GPC5: variants seen among roughly 807,000 people sequenced by gnomAD.
GPC5 encodes glypican 5.
Under a neutral mutation model 53.9 loss-of-function variants are expected in GPC5, and 47 were observed. The observed-to-expected ratio is 0.87, with a 90% confidence interval of 0.69 to 1.11. The LOEUF (loss-of-function observed/expected upper bound fraction) is 1.11. GPC5 is among the 50% of genes most tolerant of loss of function. GPC5 has a pLI of 0.00. For missense variants in GPC5, 748 were observed against 713.1 expected (o/e 1.05, Z -0.56); for synonymous variants, 286 against 263.3 (o/e 1.09, Z -0.84).
At chr13:91,691,320 A>G (rs2035753160) in intron 2 of GPC5, among the ~76,000 whole-genome samples, 2 of 152,164 alleles carry the variant, frequency 1.3e-5, no homozygotes, top group South Asian at 4.1e-4. Context: ...AGACGAACCT[A>G]CTGAGTTAGG....
intron 7 of GPC5, among the ~76,000 whole-genome samples, chr13:92,423,284 T>TA (rs1322857692): frequency 4.6e-5 from 7 of 152,204 alleles, no homozygotes; most frequent in South Asian, 2.1e-4. Flanking sequence ...TTGCAACACT[T>TA]ACGAAAACAT....
At chr13:91,573,895 T>C (rs2032037772) in intron 2 of GPC5, among the ~76,000 whole-genome samples, 1 of 152,192 alleles carries the variant, frequency 6.6e-6, no homozygotes, top group African/African-American at 2.4e-5. Flanking sequence ...TATATGTATG[T>C]GTGTGCACAC....
chr13:92,196,062 G>A (rs1242272313), intron 7 of GPC5, among the ~76,000 whole-genome samples: 1 of 152,104 alleles, frequency 6.6e-6, no homozygotes, highest in Non-Finnish European at 1.5e-5. Flanking sequence ...AAGCACAGCG[G>A]AAAACTAATT....
intron 7 of GPC5, among the ~76,000 whole-genome samples, chr13:92,722,562 G>A (rs1349351569): frequency 1.3e-5 from 2 of 151,752 alleles, no homozygotes; most frequent in African/African-American, 4.8e-5. Flanking sequence ...TCTTTCTTCT[G>A]GACTGGAAAC....
At chr13:91,551,948 T>C (rs1376334953) in intron 2 of GPC5, among the ~76,000 whole-genome samples, 2 of 152,074 alleles carry the variant, frequency 1.3e-5, no homozygotes, top group African/African-American at 2.4e-5. Context: ...ATATTTTACA[T>C]ACTGGTAAGT....
chr13:92,771,042 A>G (rs1034746269), intron 7 of GPC5, among the ~76,000 whole-genome samples: 7 of 152,168 alleles, frequency 4.6e-5, no homozygotes, highest in African/African-American at 1.4e-4. Flanking sequence ...GACTCTCCAC[A>G]AGCCTAGTGG....
chr13:92,305,468 T>C (rs927493177), intron 7 of GPC5, among the ~76,000 whole-genome samples: 3 of 152,128 alleles, frequency 2.0e-5, no homozygotes, highest in African/African-American at 7.2e-5. Flanking sequence ...TTTTTTTAAA[T>C]TGGATCAACT....
chr13:92,171,697 C>G (rs527959127), intron 7 of GPC5, among the ~76,000 whole-genome samples: 11 of 152,260 alleles, frequency 7.2e-5, no homozygotes, highest in African/African-American at 2.6e-4. Flanking sequence ...CTATTAGGTC[C>G]TTTCACTTCT....
chr13:91,875,589 C>G (rs572509838), intron 5 of GPC5, among the ~76,000 whole-genome samples: 142 of 152,008 alleles, frequency 9.3e-4, no homozygotes, highest in African/African-American at 3.2e-3. Flanking sequence ...TCTGTTTGTT[C>G]TCCATTTCTG....
intron 7 of GPC5, among the ~76,000 whole-genome samples, chr13:92,422,596 T>C (rs140942800): frequency 1.3e-5 from 2 of 152,014 alleles, no homozygotes; most frequent in East Asian, 3.9e-4. Context: ...TAGCCTGTCA[T>C]GCTGTCTTAG....
intron 7 of GPC5, among the ~76,000 whole-genome samples, chr13:92,627,936 T>G (rs1199373418): frequency 6.6e-6 from 1 of 152,208 alleles, no homozygotes; most frequent in African/African-American, 2.4e-5. Flanking sequence ...GGACAGTATA[T>G]TTTTCTTTTT....
intron 7 of GPC5, among the ~76,000 whole-genome samples, chr13:92,700,382 G>T (rs1887693496): frequency 6.7e-6 from 1 of 150,300 alleles, no homozygotes; most frequent in African/African-American, 2.4e-5. Context: ...GATGGGTCTT[G>T]ATTCTTTATT....
At position 92,530,580 on chromosome 13, in the gene GPC5, G is replaced by T. The variant is rs1421869942; in HGVS notation, c.1562-335702G>T. Among the ~76,000 whole-genome samples, 3 of 152,114 alleles carry T rather than the reference G, an allele frequency of 2.0e-5. No homozygotes were observed. The East Asian group carries it at 5.8e-4, about 29-fold the overall frequency. On this transcript the variant is annotated intron_variant, in intron 7 of 7. Coordinates refer to ENST00000377067, the MANE Select transcript of GPC5 (RefSeq NM_004466.6). Reference sequence around the variant, plus strand: ...TGTGGCTTCAGACAAGTACACAGAAGCCTGGGAAATGCAGTCTACTTGTGT... The same window carrying T: ...TGTGGCTTCAGACAAGTACACAGAATCCTGGGAAATGCAGTCTACTTGTGT...
chr13:92,030,680 T>TTGAGACAGCC (rs1321258314), intron 6 of GPC5, among the ~76,000 whole-genome samples: 1 of 152,186 alleles, frequency 6.6e-6, no homozygotes, highest in Non-Finnish European at 1.5e-5. Flanking sequence ...AGCATTCATA[T>TTGAGACAGCC]TGAGACAGCC....
At chr13:92,392,324 G>T (rs574082685) in intron 7 of GPC5, among the ~76,000 whole-genome samples, 1 of 152,242 alleles carries the variant, frequency 6.6e-6, no homozygotes, top group East Asian at 1.9e-4. Flanking sequence ...TTCAATAAAT[G>T]GTGTTGGGAG....
At chr13:91,685,959 G>A (rs1404482752) in intron 2 of GPC5, among the ~76,000 whole-genome samples, 1 of 151,374 alleles carries the variant, frequency 6.6e-6, no homozygotes, top group Admixed American at 6.6e-5. Flanking sequence ...AAAAGAGGAA[G>A]GAGAACCACC....
intron 5 of GPC5, among the ~76,000 whole-genome samples, chr13:91,825,003 T>A (rs1431359047): frequency 3.9e-5 from 6 of 152,122 alleles, no homozygotes; most frequent in Non-Finnish European, 7.4e-5. Context: ...AAACTAAGTT[T>A]GTCTTATTCT....
chr13:91,664,323 G>A (rs2035056607), intron 2 of GPC5, among the ~76,000 whole-genome samples: 1 of 152,226 alleles, frequency 6.6e-6, no homozygotes, highest in South Asian at 2.1e-4. Flanking sequence ...GCGCTCAGAA[G>A]CTTCCTGCGT....
chr13:92,858,206 T>C (rs867630609), intron 7 of GPC5, among the ~76,000 whole-genome samples: 27 of 152,092 alleles, frequency 1.8e-4, no homozygotes, highest in African/African-American at 6.0e-4. Flanking sequence ...TTGGAGGTAA[T>C]TGAATCATGG....
Sources: allele counts gnomAD v4.1 joint callset (sites outside exome capture counted in the v4.1 genomes callset), GRCh38; gene constraint gnomAD v4.1.1; transcripts MANE v1.5; gene names NCBI Gene and HGNC (gene_info 2026-07-23, HGNC 2026-07-21).